PCDHA1: variants seen among roughly 807,000 people sequenced by gnomAD.
The protein encoded by PCDHA1 is protocadherin alpha-1.
A neutral mutation model predicts 61.3 loss-of-function variants in PCDHA1; 42 were observed. The observed-to-expected ratio is 0.69, with a 90% CI of 0.54 to 0.89. The LOEUF (loss-of-function observed/expected upper bound fraction) is 0.89, where lower values mean the gene tolerates loss of function less well. PCDHA1 is among the 40% of genes least tolerant of loss of function. PCDHA1 has a pLI of 0.00. For synonymous variants in PCDHA1, 610 were observed against 553.8 expected (o/e 1.10, Z -1.43); for missense variants, 1,256 against 1,235.3 (o/e 1.02, Z -0.25).
At chr5:140,983,513 C>G (rs893446292) in intron 3 of PCDHA1, among the ~76,000 whole-genome samples, 1 of 152,196 alleles carries the variant, frequency 6.6e-6, no homozygotes, top group South Asian at 2.1e-4. Flanking sequence ...TGCCTAGACA[C>G]TGTGCCAAGT....
intron 1 of PCDHA1, chr5:140,835,406 G>T: frequency 6.2e-7 from 1 of 1,613,974 alleles, no homozygotes; most frequent in Non-Finnish European, 8.5e-7. Context: ...TGGAAGTTGT[G>T]GATGTAAATG....
intron 2 of PCDHA1, among the ~76,000 whole-genome samples, chr5:140,981,822 G>A (rs1229465317): frequency 6.6e-6 from 1 of 151,926 alleles, no homozygotes; most frequent in Non-Finnish European, 1.5e-5. Flanking sequence ...ATCTCTGCTT[G>A]CCTCTAAAGG....
intron 3 of PCDHA1, among the ~76,000 whole-genome samples, chr5:141,002,328 C>T (rs1421788305): frequency 3.3e-5 from 5 of 152,250 alleles, no homozygotes; most frequent in Admixed American, 6.5e-5. Flanking sequence ...GGCCGGGCTG[C>T]ATCCGCACCC....
At chr5:140,850,274 G>A in intron 1 of PCDHA1, 1 of 1,595,442 alleles carries the variant, frequency 6.3e-7, no homozygotes, top group Non-Finnish European at 8.6e-7. Context: ...TGGTGGGGAA[G>A]GTGCGCGCAG....
At chr5:140,857,661 A>ACTC (rs1554150470) in intron 1 of PCDHA1, 1 of 1,596,582 alleles carries the variant, frequency 6.3e-7, no homozygotes. Flanking sequence ...AGCGCGCGCG[A>ACTC]TGGGGGCGTG....
chr5:140,974,146 A>G (rs1208366709), intron 1 of PCDHA1, among the ~76,000 whole-genome samples: 1 of 152,260 alleles, frequency 6.6e-6, no homozygotes, highest in Non-Finnish European at 1.5e-5. Context: ...TGAAAACTAT[A>G]CAAGGGTTTT....
Position 140,876,083 on chromosome 5 carries a change from A to C in PCDHA1, c.2394+87399A>C. 1 of 1,613,974 alleles carries C rather than the reference A, an allele frequency of 6.2e-7. No individual in the cohort carries two copies. The highest frequency in any genetic ancestry group is 8.5e-7 in the Non-Finnish European group (1 of 1,179,900). ...CTTCGGAAGTTATTGGACAGAGAGC[A>C]AACGCCAAAACTCAATTTATTGCTG... On this transcript the variant is annotated intron_variant, in intron 1 of 3. Coordinates refer to ENST00000504120, the MANE Select transcript of PCDHA1 (RefSeq NM_018900.4).
Position 140,932,319 on chromosome 5 carries a change from G to A in PCDHA1, c.2395-46630G>A, listed in dbSNP as rs60286116. Among the ~76,000 whole-genome samples the A allele has an allele frequency of 3.3e-3, 499 of 151,902 alleles. 2 individuals are homozygous for A. The highest frequency in any genetic ancestry group is 0.012 in the African/African-American group (480 of 41,512). ...TTTTTAAAGGTATAAATATATTAATGTAGCAAAAATGCATGAAACACTTAC... is the reference window on the plus strand; with the variant it reads ...TTTTTAAAGGTATAAATATATTAATATAGCAAAAATGCATGAAACACTTAC... On this transcript the variant is annotated intron_variant, in intron 1 of 3. Transcript: ENST00000504120.
At chr5:140,828,226 G>A (rs1554131112) in intron 1 of PCDHA1, 10 of 1,614,004 alleles carry the variant, frequency 6.2e-6, no homozygotes, top group Non-Finnish European at 5.1e-6. Context: ...GCACCTTCGT[G>A]GGCCGGATCG....
At chr5:140,862,968 G>C in intron 1 of PCDHA1, 1 of 544,810 alleles carries the variant, frequency 1.8e-6, no homozygotes, top group Non-Finnish European at 3.6e-6. Context: ...GTGGATGCAG[G>C]CCACTTGGTG....
intron 1 of PCDHA1, among the ~76,000 whole-genome samples, chr5:140,900,090 A>G (rs1370301453): frequency 6.6e-6 from 1 of 152,152 alleles, no homozygotes; most frequent in Non-Finnish European, 1.5e-5. Context: ...AGTTACAAGC[A>G]TGCGCCACCA....
At chr5:140,918,943 T>C (rs1554198839) in intron 1 of PCDHA1, among the ~76,000 whole-genome samples, 1 of 152,220 alleles carries the variant, frequency 6.6e-6, no homozygotes, top group Non-Finnish European at 1.5e-5. Context: ...TGTTATAATA[T>C]CCTGAACAGA....
chr5:140,884,167 G>T (rs1554181302), intron 1 of PCDHA1: 2 of 1,613,294 alleles, frequency 1.2e-6, no homozygotes, highest in African/African-American at 1.3e-5. Context: ...AGATCAGCAC[G>T]ACGCGCCCTC....
intron 1 of PCDHA1, chr5:140,809,614 T>C: frequency 2.0e-6 from 3 of 1,520,110 alleles, no homozygotes; most frequent in Non-Finnish European, 2.6e-6. Context: ...CGTATTGTTT[T>C]TCTCTATCAA....
chr5:140,959,320 A>C (rs2095480939), intron 1 of PCDHA1, among the ~76,000 whole-genome samples: 1 of 152,108 alleles, frequency 6.6e-6, no homozygotes, highest in Non-Finnish European at 1.5e-5. Context: ...AGCTGCAATA[A>C]GTTTTGATTA....
intron 1 of PCDHA1, chr5:140,809,132 G>T: frequency 6.2e-7 from 1 of 1,614,020 alleles, no homozygotes; most frequent in Non-Finnish European, 8.5e-7. Flanking sequence ...CCGCCTACTG[G>T]TACTGGTGAA....
chr5:140,921,364 T>G (rs2080173595), intron 1 of PCDHA1, among the ~76,000 whole-genome samples: 1 of 152,196 alleles, frequency 6.6e-6, no homozygotes, highest in Non-Finnish European at 1.5e-5. Flanking sequence ...TATTCAAGTT[T>G]CATATTTCTA....
intron 1 of PCDHA1, chr5:140,865,130 T>G (rs1221612986): frequency 3.3e-5 from 5 of 152,216 alleles, no homozygotes; most frequent in African/African-American, 1.2e-4. Flanking sequence ...TAATTATACC[T>G]TAGAATTTAA....
intron 1 of PCDHA1, chr5:140,848,428 C>G: frequency 6.9e-7 from 1 of 1,450,064 alleles, no homozygotes; most frequent in Middle Eastern, 1.8e-4. Flanking sequence ...ATGGGACTGA[C>G]GAAATCAGAT....
Sources: gnomAD v4.1 joint callset for allele counts (sites outside exome capture counted in the v4.1 genomes callset) on GRCh38, gnomAD v4.1.1 for gene constraint, MANE v1.5 for transcripts, NCBI Gene and HGNC (gene_info 2026-07-23, HGNC 2026-07-21) for gene names.